The following KMT5B variants were observed in gnomAD, a reference collection of about 807,000 sequenced individuals.
KMT5B encodes the protein lysine methyltransferase 5B.
In KMT5B, 10 loss-of-function variants were observed where a neutral mutation model predicts 83.2. The ratio of observed to expected loss-of-function variants is 0.12; its 90% CI spans 0.07 to 0.20. KMT5B has a LOEUF of 0.20. Ranked by LOEUF, KMT5B falls within the 10% of genes least tolerant of loss-of-function variation. The pLI, the probability that KMT5B is intolerant of heterozygous loss-of-function variation, is 1.00. For missense variants in KMT5B, 753 were observed against 1,067.2 expected (o/e 0.71, Z 4.10); for synonymous variants, 349 against 388.8 (o/e 0.90, Z 1.20).
chr11:68,161,295 G>A (rs1038428372), intron 10 of KMT5B, among the ~76,000 whole-genome samples: 1 of 152,122 alleles, frequency 6.6e-6, no homozygotes, highest in African/African-American at 2.4e-5. Flanking sequence ...CTGAATGGAC[G>A]TGCTGCCAAT....
In KMT5B at chr11:68,155,956, C is replaced by T. The variant is rs538896520; in HGVS notation, c.*1732G>A. The stretch of plus-strand genomic sequence containing the variant: ...GAACCAGGAGAAAACAATCTACTTT[C>T]TAAAAATGTTCATGAGTCTTAATTT... On this transcript the variant is annotated 3_prime_UTR_variant, in exon 11 of 11. Coordinates refer to ENST00000304363, the MANE Select transcript of KMT5B (RefSeq NM_017635.5). 10 of 152,280 alleles carry T rather than the reference C, an allele frequency of 6.6e-5. No individual in the cohort carries two copies. The highest frequency in any genetic ancestry group is 3.4e-3 in the Middle Eastern group (1 of 294). The allele number at this position is 152,280 out of a possible 1,614,324, so 9.4% of individuals were successfully genotyped here. A position where few individuals can be genotyped will look rare whatever the true frequency, so the allele number is the denominator to read the frequency against.
At chr11:68,166,610 G>C in intron 10 of KMT5B, 2 of 1,021,844 alleles carry the variant, frequency 2.0e-6, no homozygotes, top group Non-Finnish European at 2.3e-6. Flanking sequence ...CTAGGCACTG[G>C]AATGTATAGA....
At chr11:68,163,671 C>T (rs868222414) in intron 10 of KMT5B, among the ~76,000 whole-genome samples, 2 of 152,182 alleles carry the variant, frequency 1.3e-5, no homozygotes, top group Non-Finnish European at 2.9e-5. Flanking sequence ...TCCAGAAGGC[C>T]TCTGACAGGA....
At chr11:68,175,390 T>C (rs1856257581) in intron 4 of KMT5B, among the ~76,000 whole-genome samples, 2 of 152,248 alleles carry the variant, frequency 1.3e-5, no homozygotes, top group African/African-American at 2.4e-5. Flanking sequence ...TTCTCTTTTT[T>C]CAATCTGTTA....
At chr11:68,191,178 T>G (rs1189036035) in intron 1 of KMT5B, among the ~76,000 whole-genome samples, 1 of 115,392 alleles carries the variant, frequency 8.7e-6, no homozygotes, top group African/African-American at 3.7e-5. Context: ...AAACTTTGTG[T>G]GTGTGTGTGT....
intron 1 of KMT5B, among the ~76,000 whole-genome samples, chr11:68,193,792 G>A (rs1858373965): frequency 6.6e-6 from 1 of 151,172 alleles, no homozygotes; most frequent in Non-Finnish European, 1.5e-5. Context: ...GAATTGAACA[G>A]CAGTATACTT....
chr11:68,208,897 G>A (rs1027676555), intron 1 of KMT5B, among the ~76,000 whole-genome samples: 1 of 152,116 alleles, frequency 6.6e-6, no homozygotes, highest in African/African-American at 2.4e-5. Flanking sequence ...AGCCCTCCTG[G>A]TACTTATTTA....
intron 1 of KMT5B, among the ~76,000 whole-genome samples, chr11:68,191,019 G>T (rs1857982396): frequency 6.6e-6 from 1 of 152,152 alleles, no homozygotes; most frequent in South Asian, 2.1e-4. Flanking sequence ...TGTGTTTTGA[G>T]ACAGTCTCAC....
intron 1 of KMT5B, among the ~76,000 whole-genome samples, chr11:68,212,079 ACTT>A (rs141322957): frequency 0.051 from 7,766 of 152,264 alleles, 218 homozygotes; most frequent in African/African-American, 0.06. Flanking sequence ...TTTTGAAAAT[ACTT>A]CTTTTTACTA....
In KMT5B at chr11:68,166,348, A is replaced by G. The variant is rs1353528131; in HGVS notation, c.1174+634T>C. ...TTTCCATCAGATCTTGCCCCCACACACCACTGGAATCTCAGAGGTTGCTTC... is the reference window on the plus strand; with the variant it reads ...TTTCCATCAGATCTTGCCCCCACACGCCACTGGAATCTCAGAGGTTGCTTC... On this transcript the variant is annotated intron_variant, in intron 10 of 10. Coordinates refer to ENST00000304363, the MANE Select transcript of KMT5B (RefSeq NM_017635.5). 3.9e-6 allele frequency: 4 copies of G among 1,032,974 alleles called. No individual in the cohort carries two copies. The African/African-American group carries it at 6.9e-5, about 18-fold the overall frequency. The allele number at this position is 1,032,974 out of a possible 1,614,324, so 64.0% of individuals were successfully genotyped here.
rs141548205 is a variant in KMT5B, at chr11:68,158,581, C to G, written c.1765G>C (p.Glu589Gln). Residue 589 changes from glutamate to glutamine, a missense_variant, in exon 11 of 11, where the codon GAA becomes CAA. Glu to Gln is a conservative substitution (Grantham distance 29). Transcript: ENST00000304363. ...LQPAPVLQEE[E>Q]LAHETAQKGE... ...TTTTGTGCAGTCTCATGAGCCAGTT[C>G]TTCCTCCTGCAGCACAGGAGCTGGC... The G allele has an allele frequency of 2.4e-4, 387 of 1,614,100 alleles. No individual in the cohort carries two copies. Among genetic ancestry groups the G allele is most frequent in the Non-Finnish European group, 3.1e-4 (364 of 1,180,048 alleles).
chr11:68,189,877 T>G (rs1170982395), intron 2 of KMT5B, 40 bp downstream of exon 2: 2 of 1,579,984 alleles, frequency 1.3e-6, no homozygotes, highest in Non-Finnish European at 1.7e-6. Flanking sequence ...TACTACCCCA[T>G]ATCACAATCA....
chr11:68,187,578 T>C (rs996681705), intron 2 of KMT5B, among the ~76,000 whole-genome samples: 4 of 152,236 alleles, frequency 2.6e-5, no homozygotes, highest in South Asian at 2.1e-4. Flanking sequence ...TTGAAGTTTA[T>C]GGAAGCTTGT....
At position 68,158,180 on chromosome 11, in the gene KMT5B, C is replaced by T; in HGVS notation, c.2166G>A (p.Arg722=). The change falls in exon 11 of 11, where the codon AGG becomes AGA. Residue 722 remains arginine (R), a synonymous_variant. Coordinates refer to ENST00000304363, the MANE Select transcript of KMT5B (RefSeq NM_017635.5). ...NSGIPKLTLR[R]RHDSSSKTND... ...TTGTTTTGCTGCTGCTATCATGACG[C>T]CTACGAAGAGTCAATTTGGGAATCC... is the stretch of plus-strand genomic sequence containing the variant. 6 of 1,614,140 alleles carry T rather than the reference C, an allele frequency of 3.7e-6. No individual in the cohort carries two copies. Among genetic ancestry groups the T allele is most frequent in the Non-Finnish European group, 4.2e-6 (5 of 1,180,040 alleles).
At chr11:68,187,002 T>C (rs963876127) in intron 2 of KMT5B, among the ~76,000 whole-genome samples, 3 of 147,982 alleles carry the variant, frequency 2.0e-5, no homozygotes, top group East Asian at 1.9e-4. Flanking sequence ...ACAACTCACT[T>C]TTTTTTTTTT....
intron 3 of KMT5B, among the ~76,000 whole-genome samples, chr11:68,180,703 G>A (rs775956291): frequency 1.3e-5 from 2 of 152,112 alleles, no homozygotes; most frequent in African/African-American, 4.8e-5. Context: ...GGCCTGAGTC[G>A]CCTTCGCGCC....
chr11:68,165,886 C>T, intron 10 of KMT5B: 1 of 1,612,912 alleles, frequency 6.2e-7, no homozygotes, highest in Non-Finnish European at 8.5e-7. Flanking sequence ...CAGGTAGATT[C>T]AGGAATTCAT....
chr11:68,154,977 GAA>G lies in KMT5B; in HGVS notation c.*2709_*2710del, dbSNP rs1350410509. The G allele has an allele frequency of 1.3e-5, 2 of 152,054 alleles. No homozygotes were observed. The highest frequency in any genetic ancestry group is 4.8e-5 in the African/African-American group (2 of 41,376). The allele number at this position is 152,054 out of a possible 1,614,324, so 9.4% of individuals were successfully genotyped here. On this transcript the variant is annotated 3_prime_UTR_variant, in exon 11 of 11. Transcript: ENST00000304363. ...CGTTAAAGAACTTACCTCAAATGCTGAAAAAGTCCTTTTTCATTCTTTCAGTA... is the reference window on the plus strand; with the variant it reads ...CGTTAAAGAACTTACCTCAAATGCTGAAAGTCCTTTTTCATTCTTTCAGTA...
At chr11:68,202,236 A>C (rs905010434) in intron 1 of KMT5B, among the ~76,000 whole-genome samples, 1 of 152,230 alleles carries the variant, frequency 6.6e-6, no homozygotes, top group Non-Finnish European at 1.5e-5. Flanking sequence ...ATGACATCAC[A>C]AGCAATATTT....
Sources: allele counts gnomAD v4.1 joint callset (sites outside exome capture counted in the v4.1 genomes callset), GRCh38; gene constraint gnomAD v4.1.1; transcripts MANE v1.5; gene names NCBI Gene and HGNC (gene_info 2026-07-23, HGNC 2026-07-21).